The following MTSS1 variants were observed in gnomAD, a reference collection of about 807,000 sequenced individuals.
MTSS1 encodes protein MTSS 1.
Under a neutral mutation model 79.0 loss-of-function variants are expected in MTSS1, and 18 were observed. The ratio of observed to expected loss-of-function variants is 0.23; its 90% CI spans 0.16 to 0.34. The LOEUF (loss-of-function observed/expected upper bound fraction) is 0.34. Ranked by LOEUF, MTSS1 falls within the 10% of genes least tolerant of loss-of-function variation. The pLI, the probability that MTSS1 is intolerant of heterozygous loss-of-function variation, is 1.00. For synonymous variants in MTSS1, 341 were observed against 368.6 expected (o/e 0.93, Z 0.86); for missense variants, 815 against 986.2 (o/e 0.83, Z 2.33).
At chr8:124,585,312 T>A (rs1587000891) in intron 5 of MTSS1, 151 bp from the exon 6 acceptor site, 1 of 646,604 alleles carries the variant, frequency 1.5e-6, no homozygotes, top group East Asian at 2.7e-5. Context: ...AATCTCATGA[T>A]GACATTTACA....
rs1822532285 is a variant in MTSS1 at position 124,663,759 on chromosome 8, C to T, written c.208+35767G>A. 3.3e-5 allele frequency among the ~76,000 whole-genome samples: 5 copies of T among 152,126 alleles called. No homozygotes were observed. In the South Asian group the frequency reaches 1.0e-3, roughly 32 times the overall value. On this transcript the variant is annotated intron_variant, in intron 3 of 13. Transcript: ENST00000518547. ...GTGTCCTTTTGTAAATGGCCTCCTA[C>T]AGGAAAAGCACAGTGAATACAAAGA...
At chr8:124,715,513 T>C (rs1831807839) in intron 1 of MTSS1, among the ~76,000 whole-genome samples, 1 of 152,122 alleles carries the variant, frequency 6.6e-6, no homozygotes, top group African/African-American at 2.4e-5. Flanking sequence ...ACGCTTAGTG[T>C]GCTCTGCCAT....
intron 2 of MTSS1, among the ~76,000 whole-genome samples, chr8:124,701,257 AAAG>A (rs1314030327): frequency 1.3e-5 from 2 of 152,154 alleles, no homozygotes; most frequent in African/African-American, 4.8e-5. Context: ...AGAAAAGAAA[AAAG>A]AAAGAAAAAG....
chr8:124,714,595 G>A (rs2135667572), intron 1 of MTSS1, among the ~76,000 whole-genome samples: 1 of 152,220 alleles, frequency 6.6e-6, no homozygotes, highest in Non-Finnish European at 1.5e-5. Context: ...CTGTGTAGCT[G>A]GGACTACAGG....
chr8:124,621,173 G>T (rs578200628), intron 3 of MTSS1, among the ~76,000 whole-genome samples: 22 of 152,332 alleles, frequency 1.4e-4, no homozygotes, highest in African/African-American at 5.3e-4. Context: ...CGATCGCCAT[G>T]ACTCTGACCT....
chr8:124,589,795 C>T, intron 4 of MTSS1, 84 bp from the exon 5 acceptor site: 2 of 980,764 alleles, frequency 2.0e-6, no homozygotes, highest in South Asian at 2.8e-5. Flanking sequence ...TCAAAACATA[C>T]CTAAATCACA....
chr8:124,555,883 A>C lies in MTSS1; in HGVS notation c.1426T>G (p.Cys476Gly). 1 of 1,609,572 alleles carries C rather than the reference A, an allele frequency of 6.2e-7. No individual in the cohort carries two copies. The highest frequency in any genetic ancestry group is 2.2e-5 in the East Asian group (1 of 44,874). ...ATRPGEEMEA[C>G]EELALALSRG... ...GACAGGGCCAGGGCCAGCTCCTCAC[A>C]AGCCTCCATCTCCTCACCAGGCTGC... is the stretch of plus-strand genomic sequence containing the variant. The change falls in exon 13 of 14, where the codon TGT (cysteine) becomes GGT (glycine). Residue 476 changes from cysteine (C) to glycine (G), a missense_variant. Cys to Gly is a radical substitution (Grantham distance 159). This residue lies in a region of MTSS1 where 590 missense variants were observed against 620.8 expected (regional missense o/e 0.95). Coordinates refer to ENST00000518547, the MANE Select transcript of MTSS1 (RefSeq NM_014751.6).
chr8:124,650,449 T>A (rs751004251), intron 3 of MTSS1, among the ~76,000 whole-genome samples: 3 of 152,156 alleles, frequency 2.0e-5, no homozygotes, highest in Non-Finnish European at 4.4e-5. Context: ...AATGAGATCA[T>A]CCATATATGG....
At chr8:124,708,847 T>C (rs1197000206) in intron 1 of MTSS1, among the ~76,000 whole-genome samples, 1 of 151,610 alleles carries the variant, frequency 6.6e-6, no homozygotes, top group East Asian at 1.9e-4. Flanking sequence ...CCACCTGTTT[T>C]AGGCAATATA....
At chr8:124,577,420 T>C (rs1829170858) in intron 6 of MTSS1, among the ~76,000 whole-genome samples, 1 of 152,136 alleles carries the variant, frequency 6.6e-6, no homozygotes, top group Admixed American at 6.5e-5. Context: ...CAGCTAACTT[T>C]TGTATTTTTA....
At chr8:124,591,449 A>G (rs901189391) in intron 3 of MTSS1, among the ~76,000 whole-genome samples, 9 of 152,266 alleles carry the variant, frequency 5.9e-5, no homozygotes, top group Non-Finnish European at 1.0e-4. Flanking sequence ...CACCAAAACT[A>G]TCACCAAAGG....
At chr8:124,677,232 A>G (rs1168274745) in intron 3 of MTSS1, among the ~76,000 whole-genome samples, 1 of 152,220 alleles carries the variant, frequency 6.6e-6, no homozygotes, top group East Asian at 1.9e-4. Context: ...AAATTTTACC[A>G]AAGGCAAGGA....
chr8:124,632,449 G>A (rs2133834164), intron 3 of MTSS1, among the ~76,000 whole-genome samples: 1 of 151,968 alleles, frequency 6.6e-6, no homozygotes, highest in Middle Eastern at 3.4e-3. Context: ...AGGAGTTCGA[G>A]ACAAGCCTGG....
At chr8:124,555,637 T>C in intron 13 of MTSS1, 105 bp downstream of exon 13, 1 of 1,294,286 alleles carries the variant, frequency 7.7e-7, no homozygotes, top group Non-Finnish European at 1.0e-6. Context: ...TGACACCTGT[T>C]AGTTAGCGAG....
rs753280405 is a variant in MTSS1, at chr8:124,699,543, A to G, written c.191T>C (p.Met64Thr). 1 of 1,614,178 alleles carries G rather than the reference A, an allele frequency of 6.2e-7. No homozygotes were observed. The highest frequency in any genetic ancestry group is 1.1e-5 in the South Asian group (1 of 91,078). Residue 64 changes from methionine to threonine, a missense_variant, in exon 3 of 14, where the codon ATG becomes ACG. Met to Thr is a moderately conservative substitution (Grantham distance 81). This residue lies in a region of MTSS1 where 225 missense variants were observed against 365.4 expected (regional missense o/e 0.62). Coordinates refer to ENST00000518547, the MANE Select transcript of MTSS1 (RefSeq NM_014751.6). ...FLDAFQKVAD[M>T]ATNTRGGTRE... ...CTGCTTACCACGTGTGTTGGTGGCC[A>G]TGTCAGCCACTTTCTGAAAGGCGTC...
chr8:124,695,704 C>A lies in MTSS1; in HGVS notation c.208+3822G>T, dbSNP rs549682677. Among the ~76,000 whole-genome samples the A allele has an allele frequency of 3.9e-5, 6 of 152,162 alleles. No homozygotes were observed. In the East Asian group the frequency reaches 1.2e-3, roughly 29 times the overall value. On this transcript the variant is annotated intron_variant, in intron 3 of 13. Transcript: ENST00000518547. ...TACATTCAGAAATTCCATTTGGCCG[C>A]TAGAAAGAATAAGGTGGACTTATAG...
At chr8:124,558,414 G>A (rs1824500738) in intron 10 of MTSS1, among the ~76,000 whole-genome samples, 1 of 152,166 alleles carries the variant, frequency 6.6e-6, no homozygotes, top group Non-Finnish European at 1.5e-5. Flanking sequence ...GGTGGCTCGG[G>A]AAGGGAGGGA....
Position 124,683,223 on chromosome 8 carries a change from T to C in MTSS1, c.208+16303A>G, listed in dbSNP as rs1826417106. Among the ~76,000 whole-genome samples the C allele has an allele frequency of 6.6e-6, 1 of 151,900 alleles. No homozygotes were observed. Among genetic ancestry groups the C allele is most frequent in the South Asian group, 2.1e-4 (1 of 4,812 alleles). On this transcript the variant is annotated intron_variant, in intron 3 of 13. Transcript: ENST00000518547. The surrounding 1 kb of genome is among the most constrained non-coding windows in gnomAD (Gnocchi z 4.5). ...AACGTTTAATGTGTAATGTTTAACA[T>C]GTGGTTAAAAAGGAAGCAGCCCACA... is the stretch of plus-strand genomic sequence containing the variant.
chr8:124,561,734 GC>G (rs2131923840), intron 10 of MTSS1, among the ~76,000 whole-genome samples: 1 of 152,140 alleles, frequency 6.6e-6, no homozygotes, highest in African/African-American at 2.4e-5. Context: ...CCGACCCTTT[GC>G]CCTCTCTGCT....
Sources: allele counts gnomAD v4.1 joint callset (sites outside exome capture counted in the v4.1 genomes callset), GRCh38; gene constraint gnomAD v4.1.1; regional missense constraint gnomAD v4.1.1; non-coding constraint Gnocchi (gnomAD v3.1); transcripts MANE v1.5; gene names NCBI Gene and HGNC (gene_info 2026-07-23, HGNC 2026-07-21).